ZNF407: variants seen among roughly 807,000 people sequenced by gnomAD.
The protein encoded by ZNF407 is zinc finger protein 407.
Under a neutral mutation model 131.2 loss-of-function variants are expected in ZNF407, and 17 were observed. That is an observed-to-expected ratio of 0.13 (90% CI 0.09 to 0.19). The LOEUF (loss-of-function observed/expected upper bound fraction) is 0.19. Among genes scored for constraint, ZNF407 ranks in the 10% least tolerant of loss-of-function variants. ZNF407 has a pLI of 1.00. For missense variants in ZNF407, 2,681 were observed against 2,830.6 expected (o/e 0.95, Z 1.20); for synonymous variants, 1,156 against 1,062.0 (o/e 1.09, Z -1.72).
At chr18:74,936,125 A>G (rs1211218917) in intron 8 of ZNF407, among the ~76,000 whole-genome samples, 1 of 152,212 alleles carries the variant, frequency 6.6e-6, no homozygotes, top group African/African-American at 2.4e-5. Context: ...TTACGAAGAC[A>G]TTTTAAAGAT....
intron 3 of ZNF407, among the ~76,000 whole-genome samples, chr18:74,672,515 C>G (rs940732297): frequency 2.1e-5 from 3 of 145,686 alleles, no homozygotes; most frequent in Non-Finnish European, 4.5e-5. Context: ...TGTCTCTGTT[C>G]GTTGGAGCAC....
intron 4 of ZNF407, among the ~76,000 whole-genome samples, chr18:74,876,449 A>G (rs952748428): frequency 6.6e-6 from 1 of 152,248 alleles, no homozygotes; most frequent in Admixed American, 6.5e-5. Flanking sequence ...AAACAGAGGA[A>G]GTATTCAAGG....
intron 8 of ZNF407, among the ~76,000 whole-genome samples, chr18:75,001,535 G>T (rs1318630106): frequency 1.3e-5 from 2 of 152,174 alleles, no homozygotes; most frequent in African/African-American, 2.4e-5. Context: ...CTGAAGAGTA[G>T]TGAAGTACTA....
chr18:74,948,277 CAT>C (rs1972176622), intron 8 of ZNF407, among the ~76,000 whole-genome samples: 2 of 152,138 alleles, frequency 1.3e-5, no homozygotes, highest in Non-Finnish European at 2.9e-5. Context: ...ATGGGAGTAT[CAT>C]ATCTTACTGT....
chr18:74,962,387 TC>T (rs1267535586), intron 8 of ZNF407, among the ~76,000 whole-genome samples: 1 of 152,248 alleles, frequency 6.6e-6, no homozygotes, highest in Non-Finnish European at 1.5e-5. Context: ...ATCTTAAACA[TC>T]TGTCAGATGC....
chr18:74,957,658 G>T (rs1455876104), intron 8 of ZNF407, among the ~76,000 whole-genome samples: 1 of 152,132 alleles, frequency 6.6e-6, no homozygotes, highest in African/African-American at 2.4e-5. Context: ...ATAATTTCAA[G>T]GTGAGTTCTA....
chr18:74,600,168 C>T (rs746460426), intron 1 of ZNF407, among the ~76,000 whole-genome samples: 2 of 152,172 alleles, frequency 1.3e-5, no homozygotes, highest in African/African-American at 4.8e-5. Context: ...TCAACCATGG[C>T]AATGGACTTG....
Position 74,964,944 on chromosome 18 carries a change from C to T in ZNF407, c.5428+44252C>T, listed in dbSNP as rs1024664722. 8.5e-5 allele frequency among the ~76,000 whole-genome samples: 13 copies of T among 152,290 alleles called. 1 individual carries two copies. In the South Asian group the frequency reaches 1.2e-3, roughly 15 times the overall value. On this transcript the variant is annotated intron_variant, in intron 8 of 8. Coordinates refer to ENST00000299687, the MANE Select transcript of ZNF407 (RefSeq NM_017757.3). ...TGTATGGCACAGAGATCTGCATTTT[C>T]GTGTGTATCTATATGATTGCCTTAG...
chr18:74,768,142 C>T (rs547245276), intron 3 of ZNF407, among the ~76,000 whole-genome samples: 1 of 152,006 alleles, frequency 6.6e-6, no homozygotes, highest in Admixed American at 6.5e-5. Context: ...TTTAAAAGTA[C>T]CCTTAAGCCA....
At position 75,053,080 on chromosome 18, in the gene ZNF407, A is replaced by G. The variant is rs1465403925; in HGVS notation, c.5429-10070A>G. Among the ~76,000 whole-genome samples, 4 of 152,216 alleles carry G rather than the reference A, an allele frequency of 2.6e-5. No individual in the cohort carries two copies. In the East Asian group the frequency reaches 7.7e-4, roughly 29 times the overall value. On this transcript the variant is annotated intron_variant, in intron 8 of 8. Coordinates refer to ENST00000299687, the MANE Select transcript of ZNF407 (RefSeq NM_017757.3). ...TGGTCCTGTAATTGGCCCCAGCCCC[A>G]TGACACATGATTACCTTATTGGACT...
At chr18:74,755,768 T>TCTTTCTTTCTTTC (rs1165257687) in intron 3 of ZNF407, among the ~76,000 whole-genome samples, 1 of 129,048 alleles carries the variant, frequency 7.7e-6, no homozygotes, top group African/African-American at 3.5e-5. Context: ...TTTCTTTCTT[T>TCTTTCTTTCTTTC]CTTTCTCTCT....
At chr18:75,025,972 A>G (rs927177021) in intron 8 of ZNF407, among the ~76,000 whole-genome samples, 7 of 152,208 alleles carry the variant, frequency 4.6e-5, no homozygotes, top group African/African-American at 9.6e-5. Context: ...GTTATAAATA[A>G]CACGGCGTTA....
At chr18:74,982,203 T>G (rs1244708993) in intron 8 of ZNF407, among the ~76,000 whole-genome samples, 1 of 152,224 alleles carries the variant, frequency 6.6e-6, no homozygotes, top group Non-Finnish European at 1.5e-5. Flanking sequence ...TTCAACATCA[T>G]GTGTCTTTAA....
chr18:74,837,389 C>G (rs1291320963), intron 4 of ZNF407, among the ~76,000 whole-genome samples: 1 of 151,430 alleles, frequency 6.6e-6, no homozygotes, highest in African/African-American at 2.4e-5. Flanking sequence ...AAAGATCATT[C>G]AGTGAGGCTT....
At chr18:74,777,696 C>T (rs757365029) in intron 3 of ZNF407, among the ~76,000 whole-genome samples, 5 of 151,870 alleles carry the variant, frequency 3.3e-5, no homozygotes, top group Non-Finnish European at 7.4e-5. Context: ...ATCATCTTTG[C>T]CTGGATTATT....
chr18:74,798,024 G>T (rs1041120063), intron 4 of ZNF407, among the ~76,000 whole-genome samples: 7 of 152,034 alleles, frequency 4.6e-5, no homozygotes, highest in Admixed American at 6.6e-5. Context: ...CACTAATGCT[G>T]GGGAAAGGCG....
chr18:74,926,862 A>G (rs1310681037), intron 8 of ZNF407, among the ~76,000 whole-genome samples: 1 of 152,212 alleles, frequency 6.6e-6, no homozygotes, highest in Non-Finnish European at 1.5e-5. Context: ...AAGAATAACT[A>G]TATGCCAGTA....
Position 74,909,030 on chromosome 18 carries a change from C to A in ZNF407, c.5250-11484C>A, listed in dbSNP as rs149448287. Among the ~76,000 whole-genome samples, 416 of 126,478 alleles carry A rather than the reference C, an allele frequency of 3.3e-3. 1 individual carries two copies. The highest frequency in any genetic ancestry group is 0.011 in the African/African-American group (378 of 34,094). The allele number at this position is 126,478 out of a possible 152,430, so 83.0% of individuals were successfully genotyped here. On this transcript the variant is annotated intron_variant, in intron 7 of 8. Coordinates refer to ENST00000299687, the MANE Select transcript of ZNF407 (RefSeq NM_017757.3). ...CATATTACAAAGATACAGTAGAAACCCCCTTTCAACCAAAGTTTTATATAA... is the reference window on the plus strand; with the variant it reads ...CATATTACAAAGATACAGTAGAAACACCCTTTCAACCAAAGTTTTATATAA...
chr18:74,847,681 A>G (rs2145139932), intron 4 of ZNF407, among the ~76,000 whole-genome samples: 1 of 152,334 alleles, frequency 6.6e-6, no homozygotes, highest in African/African-American at 2.4e-5. Flanking sequence ...GAGAAAGTCG[A>G]CAACATGTGT....
Sources: allele counts gnomAD v4.1 joint callset (sites outside exome capture counted in the v4.1 genomes callset), GRCh38; gene constraint gnomAD v4.1.1; transcripts MANE v1.5; gene names NCBI Gene and HGNC (gene_info 2026-07-23, HGNC 2026-07-21).